ST7L: variants seen among roughly 807,000 people sequenced by gnomAD.
ST7L encodes the protein suppression of tumorigenicity 7 like.
Under a neutral mutation model 72.5 loss-of-function variants are expected in ST7L, and 57 were observed. The observed-to-expected ratio is 0.79, with a 90% CI of 0.64 to 0.98. The LOEUF is 0.98. Ranked by LOEUF, ST7L falls within the 50% of genes least tolerant of loss-of-function variation. ST7L has a pLI of 0.00. For missense variants in ST7L, 576 were observed against 672.2 expected (o/e 0.86, Z 1.58); for synonymous variants, 221 against 240.9 (o/e 0.92, Z 0.77).
chr1:112,604,017 C>T (rs1342813500), intron 3 of ST7L, among the ~76,000 whole-genome samples: 1 of 152,132 alleles, frequency 6.6e-6, no homozygotes, highest in African/African-American at 2.4e-5. Flanking sequence ...ATATATAATA[C>T]ATTAATTCGG....
chr1:112,561,049 G>C (rs1660043812), intron 11 of ST7L, among the ~76,000 whole-genome samples: 1 of 150,334 alleles, frequency 6.7e-6, no homozygotes. Flanking sequence ...TTATATTTTA[G>C]TTTTTACCAA....
intron 4 of ST7L, among the ~76,000 whole-genome samples, chr1:112,599,073 A>AAAAAAAAAAAATATATAT (rs1190968815): frequency 1.8e-5 from 1 of 57,004 alleles, no homozygotes; most frequent in Non-Finnish European, 3.1e-5. Context: ...AAAAAAAAAA[A>AAAAAAAAAAAATATATAT]ATATATATAT....
At chr1:112,560,865 A>C (rs898843216) in intron 11 of ST7L, among the ~76,000 whole-genome samples, 7 of 151,762 alleles carry the variant, frequency 4.6e-5, no homozygotes, top group Admixed American at 2.0e-4. Flanking sequence ...TGGGAGGCTG[A>C]GGCAGGAGAA....
intron 14 of ST7L, chr1:112,539,760 C>T (rs1291583688): frequency 2.0e-6 from 2 of 985,108 alleles, no homozygotes; most frequent in Non-Finnish European, 2.4e-6. Context: ...CTTTGGAAAT[C>T]CTGCACAAAT....
intron 1 of ST7L, 157 bp from the exon 2 acceptor site, chr1:112,617,052 C>T (rs868582787): frequency 6.3e-5 from 29 of 458,090 alleles, no homozygotes; most frequent in African/African-American, 4.7e-4. Flanking sequence ...ATATATTATA[C>T]ATAATGGCTT....
chr1:112,582,540 T>C, intron 7 of ST7L, 68 bp from the exon 8 acceptor site: 2 of 886,372 alleles, frequency 2.3e-6, no homozygotes, highest in Non-Finnish European at 3.5e-6. Context: ...TTCATTAACA[T>C]ATCCATTAAT....
chr1:112,551,115 A>G (rs1035239897), intron 12 of ST7L, among the ~76,000 whole-genome samples: 1 of 144,250 alleles, frequency 6.9e-6, no homozygotes, highest in African/African-American at 2.6e-5. Flanking sequence ...TGTGAGTTTC[A>G]CCAAAGCTTT....
In ST7L at chr1:112,584,076, A is replaced by G. The variant is rs774200048; in HGVS notation, c.752T>C (p.Val251Ala). The G allele has an allele frequency of 1.9e-6, 3 of 1,614,144 alleles. No homozygotes were observed. The highest frequency in any genetic ancestry group is 3.3e-5 in the Admixed American group (2 of 60,028). Residue 251 changes from valine (V) to alanine (A), a missense_variant, in exon 7 of 15, where the codon GTA (valine) becomes GCA (alanine). Physicochemically the swap from Val to Ala is moderately conservative, Grantham distance 64 (BLOSUM62 0). Coordinates refer to ENST00000358039, the MANE Select transcript of ST7L (RefSeq NM_017744.5). ...LLAEEEATTI[V>A]DAERLFKQAL... ...CTGTTTAAATAACCTTTCAGCATCT[A>G]CAATAGTTGTTGCTTCTTCCTCAGC... is the stretch of plus-strand genomic sequence containing the variant.
intron 14 of ST7L, chr1:112,540,884 G>A (rs934690127): frequency 2.4e-6 from 3 of 1,259,904 alleles, no homozygotes; most frequent in Non-Finnish European, 3.1e-6. Flanking sequence ...TGGTAGAAAT[G>A]CAAAGATGTA....
chr1:112,533,807 C>T (rs1186704653), intron 14 of ST7L, among the ~76,000 whole-genome samples: 1 of 152,094 alleles, frequency 6.6e-6, no homozygotes, highest in African/African-American at 2.4e-5. Context: ...AGGGGTGCGC[C>T]ACCATGCCTG....
chr1:112,584,257 C>T (rs996510547), intron 6 of ST7L, 131 bp from the exon 7 acceptor site: 10 of 944,872 alleles, frequency 1.1e-5, no homozygotes, highest in Middle Eastern at 3.5e-4. Flanking sequence ...AAAAAACCTT[C>T]GTTCAATATT....
intron 3 of ST7L, among the ~76,000 whole-genome samples, chr1:112,609,166 A>AAAT (rs1323112958): frequency 1.3e-4 from 20 of 151,916 alleles, no homozygotes; most frequent in South Asian, 2.1e-4. Flanking sequence ...ATCTCTATTA[A>AAAT]AATAATAATA....
At chr1:112,605,545 C>T (rs1668103101) in intron 3 of ST7L, among the ~76,000 whole-genome samples, 1 of 151,454 alleles carries the variant, frequency 6.6e-6, no homozygotes, top group Non-Finnish European at 1.5e-5. Context: ...ACAAAATTAG[C>T]CAGGCGTGGT....
rs763578607 is a variant in ST7L at position 112,616,839 on chromosome 1, A to G, written c.262T>C (p.Ser88Pro). The G allele has an allele frequency of 3.7e-6, 6 of 1,606,404 alleles. No individual in the cohort carries two copies. The highest frequency in any genetic ancestry group is 4.2e-6 in the Non-Finnish European group (5 of 1,176,636). ...PKFYVALTGT[S>P]SLISGLIFIF... ...AATATTAGTCCTGATATCAATGAAGAGGTCCCTGTAAGTGCCACATAGAAT... is the reference window on the plus strand; with the variant it reads ...AATATTAGTCCTGATATCAATGAAGGGGTCCCTGTAAGTGCCACATAGAAT... The change falls in exon 2 of 15, where the codon TCT (serine) becomes CCT (proline). Residue 88 changes from serine to proline, a missense_variant. Ser to Pro is a moderately conservative substitution (Grantham distance 74). Around this residue, in one of 3 missense-constraint regions of ST7L, gnomAD observed 511 missense variants for 600.7 expected, o/e 0.85. Transcript: ENST00000358039.
intron 11 of ST7L, among the ~76,000 whole-genome samples, chr1:112,557,302 A>G (rs1053143467): frequency 5.3e-5 from 8 of 152,100 alleles, no homozygotes; most frequent in South Asian, 4.1e-4. Context: ...TTATATCTCT[A>G]TAGATTTGCC....
intron 13 of ST7L, among the ~76,000 whole-genome samples, chr1:112,542,598 T>G (rs1656302631): frequency 6.6e-6 from 1 of 151,816 alleles, no homozygotes; most frequent in Non-Finnish European, 1.5e-5. Context: ...TTTTAAAAAT[T>G]TTAAAAATTA....
At chr1:112,570,232 T>A (rs1365938909) in intron 11 of ST7L, among the ~76,000 whole-genome samples, 1 of 152,110 alleles carries the variant, frequency 6.6e-6, no homozygotes, top group African/African-American at 2.4e-5. Flanking sequence ...CTATTTTTTT[T>A]ACTGTGGTAC....
chr1:112,535,731 A>G (rs1283053564), intron 14 of ST7L, among the ~76,000 whole-genome samples: 2 of 152,120 alleles, frequency 1.3e-5, no homozygotes, highest in African/African-American at 4.8e-5. Flanking sequence ...TCAAAAAAAA[A>G]AAAAAGTACA....
At chr1:112,586,988 T>C (rs150234489) in intron 6 of ST7L, among the ~76,000 whole-genome samples, 371 of 152,310 alleles carry the variant, frequency 2.4e-3, no homozygotes, top group African/African-American at 8.3e-3. Context: ...CTTGACAATG[T>C]CCTCTGATGC....
Sources: allele counts gnomAD v4.1 joint callset (sites outside exome capture counted in the v4.1 genomes callset), GRCh38; gene constraint gnomAD v4.1.1; regional missense constraint gnomAD v4.1.1; transcripts MANE v1.5; gene names NCBI Gene and HGNC (gene_info 2026-07-23, HGNC 2026-07-21).